ZBTB37: variants seen among roughly 807,000 people sequenced by gnomAD.
ZBTB37 encodes zinc finger and BTB domain containing 37.
ZBTB37 carries 15 observed loss-of-function variants against 37.7 expected under a neutral mutation model. The ratio of observed to expected loss-of-function variants is 0.40; its 90% confidence interval spans 0.27 to 0.61. ZBTB37 has a LOEUF of 0.61. Ranked by LOEUF, ZBTB37 falls within the 20% of genes least tolerant of loss-of-function variation. ZBTB37 has a pLI of 0.44. For missense variants in ZBTB37, 514 were observed against 641.9 expected, an observed-to-expected ratio of 0.80 and a Z score of 2.15; for synonymous variants, 231 against 220.6, an observed-to-expected ratio of 1.05 and a Z score of -0.42.
exon 4 of ZBTB37, chr1:173,897,973 C>A (rs1284559883): frequency 1.3e-5 from 2 of 152,176 alleles, no homozygotes. Flanking sequence ...CTACAGACTT[C>A]TCCCGGTTTA....
intron 4 of ZBTB37, among the ~76,000 whole-genome samples, chr1:173,878,957 G>C (rs56064477): frequency 0.097 from 14,728 of 151,978 alleles, 845 homozygotes; most frequent in Middle Eastern, 0.17. Context: ...CAGGCATGGT[G>C]GCGGGTGCCT....
intron 4 of ZBTB37, among the ~76,000 whole-genome samples, chr1:173,875,399 C>T (rs1312847263): frequency 8.2e-5 from 12 of 146,756 alleles, no homozygotes; most frequent in Non-Finnish European, 7.5e-5. Flanking sequence ...GATCTCGGCT[C>T]GCTGCAATCT....
chr1:173,879,020 G>A (rs1656141715), intron 4 of ZBTB37, among the ~76,000 whole-genome samples: 1 of 151,782 alleles, frequency 6.6e-6, no homozygotes, highest in Non-Finnish European at 1.5e-5. Context: ...GAACCCGGGA[G>A]GTGGAGGTTG....
At chr1:173,883,867 CTA>C (rs78435573) in intron 4 of ZBTB37, among the ~76,000 whole-genome samples, 18,227 of 152,096 alleles carry the variant, frequency 0.12, 1,200 homozygotes, top group East Asian at 0.24. Flanking sequence ...ACAAGATCTT[CTA>C]TAGTGTCTAT....
intron 4 of ZBTB37, among the ~76,000 whole-genome samples, chr1:173,878,633 C>T (rs1024757316): frequency 6.6e-6 from 1 of 151,714 alleles, no homozygotes; most frequent in Admixed American, 6.6e-5. Flanking sequence ...TTCCTACCCT[C>T]CCTTCCACCT....
intron 4 of ZBTB37, among the ~76,000 whole-genome samples, chr1:173,881,440 C>T (rs960653968): frequency 6.6e-5 from 10 of 152,150 alleles, no homozygotes; most frequent in Admixed American, 6.6e-5. Flanking sequence ...TTTATAGCAG[C>T]ATGATTTATA....
At chr1:173,897,579 A>G (rs1446677123) in exon 4 of ZBTB37, 2 of 152,232 alleles carry the variant, frequency 1.3e-5, no homozygotes, top group Non-Finnish European at 2.9e-5. Flanking sequence ...GTGAGTTGCC[A>G]GCTATGTATG....
exon 5 of ZBTB37, chr1:173,886,228 G>A: frequency 6.9e-7 from 1 of 1,449,776 alleles, no homozygotes; most frequent in South Asian, 1.5e-5. Context: ...CACATCACTA[G>A]GCCAGAAGAT....
At chr1:173,870,839 T>C in exon 3 of ZBTB37, 2 of 1,614,228 alleles carry the variant, frequency 1.2e-6, no homozygotes, top group Non-Finnish European at 1.7e-6. Flanking sequence ...AGTTCTGATG[T>C]AGAGAGCCGG....
At chr1:173,883,134 A>G (rs2102745629) in intron 4 of ZBTB37, among the ~76,000 whole-genome samples, 1 of 152,304 alleles carries the variant, frequency 6.6e-6, no homozygotes, top group East Asian at 1.9e-4. Flanking sequence ...TTCATCGCAT[A>G]ATATTTTGGG....
intron 4 of ZBTB37, among the ~76,000 whole-genome samples, chr1:173,881,927 G>A (rs770370178): frequency 5.5e-4 from 83 of 151,754 alleles, no homozygotes; most frequent in Non-Finnish European, 9.9e-4. Flanking sequence ...GGTGGCAAGC[G>A]CCTGTAGTCC....
exon 4 of ZBTB37, chr1:173,896,781 A>G (rs1384821656): frequency 6.6e-6 from 1 of 152,182 alleles, no homozygotes; most frequent in African/African-American, 2.4e-5. Flanking sequence ...CTATAAAGTA[A>G]TAGAATCCTA....
At chr1:173,903,043 A>T (rs921943735) in exon 4 of ZBTB37, 3 of 152,214 alleles carry the variant, frequency 2.0e-5, no homozygotes, top group Non-Finnish European at 2.9e-5. Context: ...GAGATTTTTT[A>T]AATTAAAAAT....
exon 4 of ZBTB37, chr1:173,895,705 G>A (rs768209704): frequency 2.6e-5 from 4 of 152,076 alleles, no homozygotes; most frequent in African/African-American, 4.8e-5. Flanking sequence ...TTTATATGTT[G>A]TTAATCTTTT....
chr1:173,871,440 C>T (rs1203660236), intron 3 of ZBTB37, among the ~76,000 whole-genome samples: 1 of 152,202 alleles, frequency 6.6e-6, no homozygotes, highest in African/African-American at 2.4e-5. Flanking sequence ...ATTGCCAGGG[C>T]TTCCTCGGGA....
chr1:173,886,430 G>T (rs1282613877), exon 5 of ZBTB37: 1 of 334,198 alleles, frequency 3.0e-6, no homozygotes, highest in Admixed American at 4.7e-5. Flanking sequence ...GATGATAAAT[G>T]GTCATTTATC....
rs1655586533 is a variant in ZBTB37, at chr1:173,871,827, T to C, written c.923+679T>C. ...TTCTCTTTTAATACATTGTATTTAT[T>C]AGACATTTCTTTTTGGTGGAAATAC... On this transcript the variant is annotated intron_variant, in intron 3 of 4. Coordinates refer to ENST00000427304, the Ensembl canonical transcript of ZBTB37. 2.0e-5 allele frequency among the ~76,000 whole-genome samples: 3 copies of C among 152,324 alleles called. No individual in the cohort carries two copies. In the South Asian group the frequency reaches 6.2e-4, roughly 32 times the overall value.
exon 3 of ZBTB37, chr1:173,870,926 A>T (rs948463215): frequency 2.5e-6 from 4 of 1,614,096 alleles, no homozygotes; most frequent in African/African-American, 1.3e-5. Context: ...GGTCGGAGTG[A>T]TGATGAAGTT....
chr1:173,870,852 G>A, exon 3 of ZBTB37: 1 of 1,614,256 alleles, frequency 6.2e-7, no homozygotes, highest in Non-Finnish European at 8.5e-7. Context: ...AGAGCCGGGA[G>A]CCCATTCTTC....
Sources: gnomAD v4.1 joint callset for allele counts (sites outside exome capture counted in the v4.1 genomes callset) on GRCh38, gnomAD v4.1.1 for gene constraint, MANE v1.5 for transcripts, NCBI Gene and HGNC (gene_info 2026-07-23, HGNC 2026-07-21) for gene names.